Variants in EFNB2 observed in about 807,000 individuals in gnomAD.
EFNB2 encodes the protein ephrin-B2.
EFNB2 carries 5 observed loss-of-function variants against 32.1 expected under a neutral mutation model. The ratio of observed to expected loss-of-function variants is 0.16; its 90% CI spans 0.08 to 0.33. The LOEUF is 0.33. Ranked by LOEUF, EFNB2 falls within the 10% of genes least tolerant of loss-of-function variation. EFNB2 has a pLI of 1.00. For missense variants in EFNB2, 263 were observed against 422.6 expected (o/e 0.62, Z 3.31); for synonymous variants, 168 against 166.5 (o/e 1.01, Z -0.07).
chr13:106,522,881 G>A (rs753871559), intron 1 of EFNB2, among the ~76,000 whole-genome samples: 7 of 152,158 alleles, frequency 4.6e-5, no homozygotes, highest in Non-Finnish European at 1.0e-4. Flanking sequence ...TGCATAAATA[G>A]GGTGCTCAAT....
chr13:106,498,092 G>T (rs1241054808), intron 2 of EFNB2, among the ~76,000 whole-genome samples: 1 of 152,056 alleles, frequency 6.6e-6, no homozygotes, highest in Non-Finnish European at 1.5e-5. Context: ...AACTTACTTT[G>T]AGTTACTTAC....
At chr13:106,526,928 C>T (rs1051161198) in intron 1 of EFNB2, among the ~76,000 whole-genome samples, 3 of 152,148 alleles carry the variant, frequency 2.0e-5, no homozygotes, top group South Asian at 2.1e-4. Flanking sequence ...TTAGGTGCCC[C>T]GCAGGGAATG....
chr13:106,509,880 C>G (rs1032555238), intron 2 of EFNB2: 3 of 152,112 alleles, frequency 2.0e-5, no homozygotes, highest in African/African-American at 7.2e-5. Context: ...TCTATATTTT[C>G]CCAAGTATCT....
In EFNB2 at chr13:106,489,863, A is replaced by G. The variant is rs889143243; in HGVS notation, c.*3177T>C. On this transcript the variant is annotated 3_prime_UTR_variant, in exon 5 of 5. Coordinates refer to ENST00000646441, the MANE Select transcript of EFNB2 (RefSeq NM_004093.4). ...GCTAACTGCAATGTGAAACTAAAGC[A>G]GATTTAAAACCTATGACAGGCTATT... 4 of 152,668 alleles carry G rather than the reference A, an allele frequency of 2.6e-5. No individual in the cohort carries two copies. Among genetic ancestry groups the G allele is most frequent in the African/African-American group, 9.6e-5 (4 of 41,458 alleles). 9.5% of individuals were successfully genotyped at this position (152,668 alleles called of 1,614,324 possible).
rs1482214000 is a variant in EFNB2 at position 106,491,286 on chromosome 13, T to C, written c.*1754A>G. ...GGGCTCGTACTTCCTAGTCTACGGT[T>C]CCGTGAGATGCCTTCGGAGGACTTG... On this transcript the variant is annotated 3_prime_UTR_variant, in exon 5 of 5. Coordinates refer to ENST00000646441, the MANE Select transcript of EFNB2 (RefSeq NM_004093.4). 1.3e-5 allele frequency: 2 copies of C among 152,654 alleles called. No homozygotes were observed. The highest frequency in any genetic ancestry group is 1.3e-4 in the Admixed American group (2 of 15,286). The allele number at this position is 152,654 out of a possible 1,614,324, so 9.5% of individuals were successfully genotyped here. A position where few individuals can be genotyped will look rare whatever the true frequency, so the allele number is the denominator to read the frequency against.
intron 2 of EFNB2, among the ~76,000 whole-genome samples, chr13:106,501,101 G>A (rs924082759): frequency 6.6e-5 from 10 of 152,180 alleles, no homozygotes; most frequent in Admixed American, 4.6e-4. Flanking sequence ...TTCAAACTAT[G>A]TACTCTAGAA....
At chr13:106,519,518 C>T (rs568059198) in intron 1 of EFNB2, 1 of 152,134 alleles carries the variant, frequency 6.6e-6, no homozygotes, top group Non-Finnish European at 1.5e-5. Context: ...TCGCATTACT[C>T]TCCACAAAGA....
At chr13:106,509,140 G>A (rs1004791147) in intron 2 of EFNB2, among the ~76,000 whole-genome samples, 1 of 152,104 alleles carries the variant, frequency 6.6e-6, no homozygotes, top group Admixed American at 6.5e-5. Context: ...AAAGTTCAAA[G>A]AAATAAAATT....
At chr13:106,501,717 C>G (rs1231329113) in intron 2 of EFNB2, among the ~76,000 whole-genome samples, 1 of 151,912 alleles carries the variant, frequency 6.6e-6, no homozygotes, top group Non-Finnish European at 1.5e-5. Flanking sequence ...CTCAGCCTCC[C>G]GAGTAGCTGG....
chr13:106,501,813 C>T (rs919370705), intron 2 of EFNB2, among the ~76,000 whole-genome samples: 2 of 152,234 alleles, frequency 1.3e-5, no homozygotes, highest in East Asian at 3.9e-4. Flanking sequence ...AGTTTGGTCT[C>T]GATCTCCTGA....
In EFNB2 at chr13:106,492,800, C is replaced by G. The variant is rs1252711539; in HGVS notation, c.*240G>C. On this transcript the variant is annotated 3_prime_UTR_variant, in exon 5 of 5. Coordinates refer to ENST00000646441, the MANE Select transcript of EFNB2 (RefSeq NM_004093.4). The surrounding 1 kb of genome is among the most constrained non-coding windows in gnomAD (Gnocchi z 5.1). The stretch of plus-strand genomic sequence containing the variant: ...GAGACGTGGGACGCGGCACAGCAGT[C>G]CGAATGGGCGTCTTCTGCACAGTCT... The G allele has an allele frequency of 2.0e-6, 1 of 488,576 alleles. No homozygotes were observed. Among genetic ancestry groups the G allele is most frequent in the Non-Finnish European group, 3.6e-6 (1 of 275,800 alleles). The allele number at this position is 488,576 out of a possible 1,614,324, so 30.3% of individuals were successfully genotyped here.
chr13:106,501,915 T>G (rs981030168), intron 2 of EFNB2, among the ~76,000 whole-genome samples: 7 of 152,150 alleles, frequency 4.6e-5, no homozygotes, highest in Non-Finnish European at 7.4e-5. Context: ...CAAGAAGAAA[T>G]TTATACTTAG....
chr13:106,493,557 C>G lies in EFNB2; in HGVS notation c.614-129G>C, dbSNP rs1337351421. 2 of 1,229,920 alleles carry G rather than the reference C, an allele frequency of 1.6e-6. No homozygotes were observed. Among genetic ancestry groups the G allele is most frequent in the East Asian group, 2.5e-5 (1 of 39,908 alleles). 76.2% of individuals were successfully genotyped at this position (1,229,920 alleles called of 1,614,324 possible). A position where few individuals can be genotyped will look rare whatever the true frequency, so the allele number is the denominator to read the frequency against. Reference sequence around the variant, plus strand: ...TTACTAACTAGAAGCTGGACTTTGCCTCGCCAATACCTCGTCTAAGAGCTC... The same window carrying G: ...TTACTAACTAGAAGCTGGACTTTGCGTCGCCAATACCTCGTCTAAGAGCTC... On this transcript the variant is annotated intron_variant, in intron 4 of 4. Transcript: ENST00000646441. This position sits in a 1 kb window ranked among gnomAD's most constrained non-coding sequence, Gnocchi z 6.1.
Position 106,535,087 on chromosome 13 carries a change from C to T in EFNB2, c.-123G>A. The T allele has an allele frequency of 1.4e-6, 2 of 1,384,850 alleles. No individual in the cohort carries two copies. The highest frequency in any genetic ancestry group is 1.5e-5 in the African/African-American group (1 of 68,168). The allele number at this position is 1,384,850 out of a possible 1,614,324, so 85.8% of individuals were successfully genotyped here. On this transcript the variant is annotated 5_prime_UTR_variant, in exon 1 of 5. Coordinates refer to ENST00000646441, the MANE Select transcript of EFNB2 (RefSeq NM_004093.4). ...GACGGCGTGCGCCCGCAGGCAGCTCCGAGGCGCGCTGCGCAGCTCCAGCGG... is the reference window on the plus strand; with the variant it reads ...GACGGCGTGCGCCCGCAGGCAGCTCTGAGGCGCGCTGCGCAGCTCCAGCGG...
Position 106,493,440 on chromosome 13 carries a change from G to A in EFNB2, c.614-12C>T. On this transcript the variant is annotated splice_polypyrimidine_tract_variant and intron_variant, in intron 4 of 4. Transcript: ENST00000646441. This position sits in a 1 kb window ranked among gnomAD's most constrained non-coding sequence, Gnocchi z 6.1. The stretch of plus-strand genomic sequence containing the variant: ...GTCTGTGCTAGAACCTGCAGACGCG[G>A]AGACAGAAAAGGTCAGAGATAGTTA... 6.3e-7 allele frequency: 1 copy of A among 1,599,494 alleles called. No homozygotes were observed. The highest frequency in any genetic ancestry group is 8.5e-7 in the Non-Finnish European group (1 of 1,170,950).
rs746448012 is a variant in EFNB2, at chr13:106,534,872, C to T, written c.93G>A (p.Glu31=). The change falls in exon 1 of 5, where the codon GAG becomes GAA. Residue 31 remains glutamate, a synonymous_variant. Transcript: ENST00000646441. The stretch of plus-strand genomic sequence containing the variant: ...AGTTCGAGGAATTCCAATAGATAGG[C>T]TCTAAAACTATCGATTTGGAAATCG... ...RTAISKSIVL[E]PIYWNSSNSK... 3 of 1,613,496 alleles carry T rather than the reference C, an allele frequency of 1.9e-6. No homozygotes were observed. Among genetic ancestry groups the T allele is most frequent in the South Asian group, 2.2e-5 (2 of 91,014 alleles).
rs191911498 is a variant in EFNB2, at chr13:106,510,011, C to G, written c.406+2518G>C. 6 of 152,302 alleles carry G rather than the reference C, an allele frequency of 3.9e-5. No individual in the cohort carries two copies. The East Asian group carries it at 1.2e-3, about 29-fold the overall frequency. 9.4% of individuals were successfully genotyped at this position (152,302 alleles called of 1,614,324 possible). A position where few individuals can be genotyped will look rare whatever the true frequency, so the allele number is the denominator to read the frequency against. ...TCCACCCAGCCCTTATGACAGTCCC[C>G]CAAAGCAACATTCAAATAGCCTCTC... is the stretch of plus-strand genomic sequence containing the variant. On this transcript the variant is annotated intron_variant, in intron 2 of 4. Transcript: ENST00000646441.
chr13:106,534,036 C>A (rs1444785082), intron 1 of EFNB2, among the ~76,000 whole-genome samples: 1 of 152,204 alleles, frequency 6.6e-6, no homozygotes, highest in African/African-American at 2.4e-5. Context: ...CCCATTCCTA[C>A]CAGGGTCCCG....
At chr13:106,519,373 G>A (rs1792392914) in intron 1 of EFNB2, 1 of 152,134 alleles carries the variant, frequency 6.6e-6, no homozygotes, top group Non-Finnish European at 1.5e-5. Flanking sequence ...TCATGTAACA[G>A]GACAAGGTGA....
Sources: allele counts gnomAD v4.1 joint callset (sites outside exome capture counted in the v4.1 genomes callset), GRCh38; gene constraint gnomAD v4.1.1; non-coding constraint Gnocchi (gnomAD v3.1); transcripts MANE v1.5; gene names NCBI Gene and HGNC (gene_info 2026-07-23, HGNC 2026-07-21).